The following ZC3H7B variants were observed in gnomAD, a reference collection of about 807,000 sequenced individuals.
ZC3H7B encodes the protein zinc finger CCCH domain-containing protein 7B.
ZC3H7B carries 35 observed loss-of-function variants against 116.0 expected under a neutral mutation model. That is an observed-to-expected ratio of 0.30 (90% CI 0.23 to 0.40). ZC3H7B has a LOEUF of 0.40. Ranked by LOEUF, ZC3H7B falls within the 10% of genes least tolerant of loss-of-function variation. The probability of loss-of-function intolerance (pLI) is 1.00; values close to 1 mark genes in which losing one functional copy is unlikely to be tolerated. For missense variants in ZC3H7B, 1,011 were observed against 1,321.5 expected, an observed-to-expected ratio of 0.77 and a Z score of 3.64; for synonymous variants, 502 against 545.6, an observed-to-expected ratio of 0.92 and a Z score of 1.11.
intron 7 of ZC3H7B, 128 bp downstream of exon 7, chr22:41,332,355 C>A: frequency 8.8e-7 from 1 of 1,137,212 alleles, no homozygotes; most frequent in South Asian, 1.3e-5. Flanking sequence ...AGGTACCTCC[C>A]GTGTCCACGG....
intron 1 of ZC3H7B, among the ~76,000 whole-genome samples, chr22:41,305,210 C>T (rs1440073951): frequency 3.3e-5 from 5 of 152,024 alleles, no homozygotes; most frequent in African/African-American, 7.2e-5. Context: ...CTGGATGTGG[C>T]GGTGCATACC....
intron 1 of ZC3H7B, among the ~76,000 whole-genome samples, chr22:41,311,068 CTTT>C (rs747090159): frequency 4.5e-5 from 6 of 132,102 alleles, no homozygotes; most frequent in Non-Finnish European, 4.9e-5. Context: ...CCCAGCCTCA[CTTT>C]TTTTTTTTTT....
In ZC3H7B at chr22:41,328,135, A is replaced by T. The variant is rs566752338; in HGVS notation, c.444+771A>T. Among the ~76,000 whole-genome samples, 9 of 152,196 alleles carry T rather than the reference A, an allele frequency of 5.9e-5. No individual in the cohort carries two copies. In the South Asian group the frequency reaches 1.2e-3, roughly 21 times the overall value. On this transcript the variant is annotated intron_variant, in intron 5 of 22. Coordinates refer to ENST00000352645, the MANE Select transcript of ZC3H7B (RefSeq NM_017590.6). Reference sequence around the variant, plus strand: ...CAAAGCAAGAGCTTGTCTATTAAAAAAAAAAAAAGCCTTTCTTTATGACCA... The same window carrying T: ...CAAAGCAAGAGCTTGTCTATTAAAATAAAAAAAAGCCTTTCTTTATGACCA...
chr22:41,321,238 CAG>C (rs922500401), intron 2 of ZC3H7B, among the ~76,000 whole-genome samples: 2 of 140,300 alleles, frequency 1.4e-5, no homozygotes, highest in Admixed American at 1.4e-4. Flanking sequence ...TTTTTTGAGA[CAG>C]AGTCTTGCCC....
intron 1 of ZC3H7B, among the ~76,000 whole-genome samples, chr22:41,310,160 G>A (rs2036099769): frequency 6.6e-6 from 1 of 152,132 alleles, no homozygotes; most frequent in Non-Finnish European, 1.5e-5. Flanking sequence ...AGCAGAGATG[G>A]CGCCACTGCA....
At position 41,339,629 on chromosome 22, in the gene ZC3H7B, A is replaced by G. The variant is rs577866613; in HGVS notation, c.817-187A>G. Among the ~76,000 whole-genome samples, 3 of 151,680 alleles carry G rather than the reference A, an allele frequency of 2.0e-5. No homozygotes were observed. In the East Asian group the frequency reaches 5.8e-4, roughly 30 times the overall value. On this transcript the variant is annotated intron_variant, in intron 9 of 22. Transcript: ENST00000352645. ...CAGTGGAGCAAGACTCCGTCTCAAA[A>G]AAAAAAAAAGAAATGAAGCTGCACA...
intron 2 of ZC3H7B, 113 bp downstream of exon 2, chr22:41,320,826 C>A: frequency 6.9e-7 from 1 of 1,455,666 alleles, no homozygotes; most frequent in Non-Finnish European, 9.5e-7. Flanking sequence ...GCTGCCAAGG[C>A]TCCTGTGTGC....
chr22:41,347,190 C>A (rs1425344120), intron 14 of ZC3H7B, among the ~76,000 whole-genome samples: 2 of 152,194 alleles, frequency 1.3e-5, no homozygotes, highest in Non-Finnish European at 1.5e-5. Context: ...ACAGCCAAAC[C>A]CCCAGGACAC....
chr22:41,319,371 A>G (rs1343339072), intron 1 of ZC3H7B, among the ~76,000 whole-genome samples: 1 of 152,100 alleles, frequency 6.6e-6, no homozygotes, highest in Non-Finnish European at 1.5e-5. Context: ...ACTGCACTCC[A>G]GCCTGGGCGA....
At position 41,357,424 on chromosome 22, in the gene ZC3H7B, G is replaced by A. The variant is rs1384101300; in HGVS notation, c.2929G>A (p.Glu977Lys). The A allele has an allele frequency of 6.4e-7, 1 of 1,558,902 alleles. No homozygotes were observed. The highest frequency in any genetic ancestry group is 8.7e-7 in the Non-Finnish European group (1 of 1,145,862). The change falls in exon 23 of 23, where the codon GAG becomes AAG. Residue 977 changes from glutamate to lysine, a missense_variant. Physicochemically the swap from Glu to Lys is moderately conservative, Grantham distance 56 (BLOSUM62 1). Transcript: ENST00000352645. This position sits in a 1 kb window ranked among gnomAD's most constrained non-coding sequence, Gnocchi z 5.4. ...TGCTGCTGCCACCGCCACCACTGGG[G>A]AGTAGGGCCAGGTGTTGGCCGTGGG... is the stretch of plus-strand genomic sequence containing the variant. ...PAAAATATTGE is the reference protein window; with the variant it reads ...PAAAATATTGK
At chr22:41,340,364 G>A (rs1230077881) in intron 10 of ZC3H7B, among the ~76,000 whole-genome samples, 3 of 151,986 alleles carry the variant, frequency 2.0e-5, no homozygotes, top group Non-Finnish European at 4.4e-5. Context: ...GGAGAGCTGC[G>A]ACAGTCCAGG....
At chr22:41,326,652 C>T (rs577988371) in intron 4 of ZC3H7B, among the ~76,000 whole-genome samples, 2 of 152,328 alleles carry the variant, frequency 1.3e-5, no homozygotes, top group East Asian at 3.9e-4. Flanking sequence ...CTGCAGCCTC[C>T]TCCTCTTCCC....
intron 17 of ZC3H7B, among the ~76,000 whole-genome samples, chr22:41,352,779 A>G (rs2036669138): frequency 6.6e-6 from 1 of 151,676 alleles, no homozygotes; most frequent in Non-Finnish European, 1.5e-5. Context: ...AAATAAATAA[A>G]TAAAAAGTCT....
At chr22:41,340,694 A>C (rs1052601702) in intron 10 of ZC3H7B, among the ~76,000 whole-genome samples, 13 of 152,260 alleles carry the variant, frequency 8.5e-5, no homozygotes, top group African/African-American at 3.1e-4. Flanking sequence ...ATGACTAGGC[A>C]GGGTCTTGAA....
intron 1 of ZC3H7B, among the ~76,000 whole-genome samples, chr22:41,307,642 C>T (rs1753548261): frequency 6.6e-6 from 1 of 152,176 alleles, no homozygotes; most frequent in Non-Finnish European, 1.5e-5. Context: ...ATAACAGCAG[C>T]CCCCATATGG....
Position 41,338,404 on chromosome 22 carries a change from G to A in ZC3H7B, c.625+49G>A. ...CAAGTGGAAATTGGGGCCCCGAGAG[G>A]TCAGGGGAGTCGAGCCCCCTCCCCA... On this transcript the variant is annotated intron_variant, in intron 8 of 22. Transcript: ENST00000352645. This position sits in a 1 kb window ranked among gnomAD's most constrained non-coding sequence, Gnocchi z 4.5. The A allele has an allele frequency of 6.3e-7, 1 of 1,597,106 alleles. No homozygotes were observed. Among genetic ancestry groups the A allele is most frequent in the South Asian group, 1.1e-5 (1 of 88,786 alleles).
rs747310192 is a variant in ZC3H7B, at chr22:41,327,249, G to A, written c.329G>A (p.Gly110Asp). 1.2e-6 allele frequency: 2 copies of A among 1,614,100 alleles called. No individual in the cohort carries two copies. Among genetic ancestry groups the A allele is most frequent in the South Asian group, 1.1e-5 (1 of 91,090 alleles). Residue 110 changes from glycine (G) to aspartate (D), a missense_variant, in exon 5 of 23, where the codon GGC (glycine) becomes GAC (aspartate). Gly to Asp is a moderately conservative substitution (Grantham distance 94). Around this residue, in one of 5 missense-constraint regions of ZC3H7B, gnomAD observed 322 missense variants for 443.9 expected, o/e 0.73. Coordinates refer to ENST00000352645, the MANE Select transcript of ZC3H7B (RefSeq NM_017590.6). The surrounding 1 kb of genome is among the most constrained non-coding windows in gnomAD (Gnocchi z 4.5). Reference sequence around the variant, plus strand: ...CTGGAGGACAGCGAGAAGGCGCTGGGCCTGGACAGTGAGAGTATCCGGGCG... The same window carrying A: ...CTGGAGGACAGCGAGAAGGCGCTGGACCTGGACAGTGAGAGTATCCGGGCG... ...KALEDSEKALGLDSESIRALF... is the reference protein window; with the variant it reads ...KALEDSEKALDLDSESIRALF...
In ZC3H7B at chr22:41,330,103, G is replaced by A; in HGVS notation, c.525G>A (p.Gln175=). 1.2e-6 allele frequency: 2 copies of A among 1,613,860 alleles called. No individual in the cohort carries two copies. Among genetic ancestry groups the A allele is most frequent in the Non-Finnish European group, 1.7e-6 (2 of 1,179,954 alleles). ...TTCGCAAGGCGTATAAGAGGCCCCA[G>A]GTAGGTGGGTTCGGGACCCTGGGAG... The part of the protein sequence containing the change: ...LRVRKAYKRP[Q]ELETFSLLSN... Residue 175 remains glutamine (Q), a splice_region_variant and synonymous_variant, in exon 6 of 23, where the codon CAG becomes CAA. Transcript: ENST00000352645.
At chr22:41,324,608 C>T (rs566278206) in intron 2 of ZC3H7B, among the ~76,000 whole-genome samples, 1 of 152,352 alleles carries the variant, frequency 6.6e-6, no homozygotes, top group South Asian at 2.1e-4. Flanking sequence ...CTGATGCCCT[C>T]TTTCATACTG....
Sources: allele counts gnomAD v4.1 joint callset (sites outside exome capture counted in the v4.1 genomes callset), GRCh38; gene constraint gnomAD v4.1.1; regional missense constraint gnomAD v4.1.1; non-coding constraint Gnocchi (gnomAD v3.1); transcripts MANE v1.5; gene names NCBI Gene and HGNC (gene_info 2026-07-23, HGNC 2026-07-21).